The following KHDRBS2 variants were observed in gnomAD, a reference collection of about 807,000 sequenced individuals.
The protein encoded by KHDRBS2 is KH domain-containing, RNA-binding, signal transduction-associated protein 2.
In KHDRBS2, 26 loss-of-function variants were observed where a neutral mutation model predicts 44.3. The ratio of observed to expected loss-of-function variants is 0.59; its 90% confidence interval spans 0.43 to 0.81. KHDRBS2 has a LOEUF of 0.81. KHDRBS2 is among the 40% of genes least tolerant of loss of function. KHDRBS2 has a pLI of 0.00. For missense variants in KHDRBS2, 476 were observed against 433.1 expected (o/e 1.10, Z -0.88); for synonymous variants, 194 against 151.1 (o/e 1.28, Z -2.08).
chr6:62,174,044 G>A (rs1051569571), intron 2 of KHDRBS2, among the ~76,000 whole-genome samples: 2 of 151,770 alleles, frequency 1.3e-5, no homozygotes, highest in East Asian at 1.9e-4. Flanking sequence ...ACATAATACT[G>A]GAAACTCTGG....
At chr6:61,682,511 CTGAT>C (rs922794821) in intron 8 of KHDRBS2, among the ~76,000 whole-genome samples, 6 of 151,832 alleles carry the variant, frequency 4.0e-5, no homozygotes, top group Admixed American at 1.3e-4. Context: ...ATTTGGCCAG[CTGAT>C]TGTTTTATAA....
chr6:61,600,340 TG>T, the KHDRBS2 span, among the ~76,000 whole-genome samples: 1 of 152,066 alleles, frequency 6.6e-6, no homozygotes, highest in Admixed American at 6.5e-5. Flanking sequence ...GAAGTGAAAA[TG>T]GCCAGTCCCT....
rs548680726 is a variant in KHDRBS2, at chr6:61,879,153, A to T, written c.810+15482T>A. ...ATCAAATAGAAAGCAGTATATACCT[A>T]CTTAGTTCTTCAGGCTTCCTGAGTA... is the stretch of plus-strand genomic sequence containing the variant. On this transcript the variant is annotated intron_variant, in intron 6 of 8. Transcript: ENST00000281156. Among the ~76,000 whole-genome samples, 240 of 152,050 alleles carry T rather than the reference A, an allele frequency of 1.6e-3. 8 individuals are homozygous for T. In the South Asian group the frequency reaches 0.046, roughly 29 times the overall value.
In KHDRBS2 at chr6:61,961,705, A is replaced by G. The variant is rs564797099; in HGVS notation, c.483+16361T>C. On this transcript the variant is annotated intron_variant, in intron 4 of 8. Transcript: ENST00000281156. Reference sequence around the variant, plus strand: ...GCCTGACTTGCGCATGGGTACAGTGAAAAGGTTAGAGTGACCAGAGGGAAA... The same window carrying G: ...GCCTGACTTGCGCATGGGTACAGTGGAAAGGTTAGAGTGACCAGAGGGAAA... 1.8e-4 allele frequency among the ~76,000 whole-genome samples: 28 copies of G among 152,230 alleles called. No individual in the cohort carries two copies. In the South Asian group the frequency reaches 3.7e-3, roughly 20 times the overall value.
At chr6:62,010,381 C>T (rs1432235560) in intron 3 of KHDRBS2, among the ~76,000 whole-genome samples, 1 of 152,040 alleles carries the variant, frequency 6.6e-6, no homozygotes, top group African/African-American at 2.4e-5. Flanking sequence ...AAGGGACTTG[C>T]CTTGTCTTGG....
chr6:62,083,256 T>C (rs1584586230), intron 2 of KHDRBS2, among the ~76,000 whole-genome samples: 1 of 152,088 alleles, frequency 6.6e-6, no homozygotes, highest in South Asian at 2.1e-4. Flanking sequence ...TCCAGAGGGA[T>C]GGCTTCATGG....
chr6:61,748,651 G>C (rs1582583498), intron 6 of KHDRBS2, among the ~76,000 whole-genome samples: 1 of 152,142 alleles, frequency 6.6e-6, no homozygotes, highest in Non-Finnish European at 1.5e-5. Flanking sequence ...GCCATACAGA[G>C]ACCAAAATTT....
chr6:62,006,863 TAAATA>T (rs1173307350), intron 3 of KHDRBS2, among the ~76,000 whole-genome samples: 4 of 151,954 alleles, frequency 2.6e-5, no homozygotes, highest in African/African-American at 9.7e-5. Context: ...TCAATAAACA[TAAATA>T]AAATAAAGCC....
the KHDRBS2 span, among the ~76,000 whole-genome samples, chr6:61,610,000 C>T: frequency 6.6e-5 from 10 of 151,912 alleles, no homozygotes; most frequent in South Asian, 2.1e-4. Context: ...GGTGAAACCC[C>T]GTCTCTGCTA....
At chr6:61,969,817 A>G (rs1770942393) in intron 4 of KHDRBS2, among the ~76,000 whole-genome samples, 1 of 151,994 alleles carries the variant, frequency 6.6e-6, no homozygotes. Context: ...TTCAAATTTT[A>G]TTCTGACTTA....
intron 1 of KHDRBS2, among the ~76,000 whole-genome samples, chr6:62,285,374 A>G (rs1842343534): frequency 6.6e-6 from 1 of 152,244 alleles, no homozygotes; most frequent in Admixed American, 6.5e-5. Flanking sequence ...TTTAATGCAT[A>G]GGTTAATTCT....
intron 1 of KHDRBS2, among the ~76,000 whole-genome samples, chr6:62,282,652 C>T (rs1402315983): frequency 8.6e-5 from 13 of 151,892 alleles, no homozygotes; most frequent in Non-Finnish European, 1.6e-4. Context: ...TAAATCTGTC[C>T]CCAGTACCCA....
the KHDRBS2 span, among the ~76,000 whole-genome samples, chr6:61,620,674 G>C: frequency 1.3e-5 from 2 of 152,180 alleles, no homozygotes; most frequent in Non-Finnish European, 2.9e-5. Flanking sequence ...GTTGGGAAGA[G>C]CCTCCATCTG....
At chr6:61,726,605 G>T (rs1316703794) in intron 7 of KHDRBS2, among the ~76,000 whole-genome samples, 1 of 151,914 alleles carries the variant, frequency 6.6e-6, no homozygotes, top group African/African-American at 2.4e-5. Flanking sequence ...TGCAAAAATC[G>T]CTAGCATTCC....
intron 6 of KHDRBS2, among the ~76,000 whole-genome samples, chr6:61,771,115 A>C (rs1031536971): frequency 6.6e-6 from 1 of 152,162 alleles, no homozygotes; most frequent in African/African-American, 2.4e-5. Context: ...GAAATAAAAT[A>C]CTTTACAGAG....
At chr6:61,922,441 A>C (rs1257643666) in intron 4 of KHDRBS2, among the ~76,000 whole-genome samples, 2 of 152,078 alleles carry the variant, frequency 1.3e-5, no homozygotes, top group Non-Finnish European at 2.9e-5. Context: ...CAGAAAGAAC[A>C]ACAAAGAGCT....
chr6:61,746,989 G>T (rs1322951165), intron 6 of KHDRBS2, among the ~76,000 whole-genome samples: 2 of 150,086 alleles, frequency 1.3e-5, no homozygotes, highest in African/African-American at 2.5e-5. Flanking sequence ...TCTGACAAAG[G>T]TTTAATATCC....
At position 61,952,491 on chromosome 6, in the gene KHDRBS2, C is replaced by T. The variant is rs544887572; in HGVS notation, c.483+25575G>A. Among the ~76,000 whole-genome samples, 16 of 152,068 alleles carry T rather than the reference C, an allele frequency of 1.1e-4. No individual in the cohort carries two copies. The South Asian group carries it at 2.7e-3, about 26-fold the overall frequency. On this transcript the variant is annotated intron_variant, in intron 4 of 8. Coordinates refer to ENST00000281156, the MANE Select transcript of KHDRBS2 (RefSeq NM_152688.4). ...ACATAAATTCAAAACTAATAAGTACCATACAGATGTGTTTTTATTAGGTTA... is the reference window on the plus strand; with the variant it reads ...ACATAAATTCAAAACTAATAAGTACTATACAGATGTGTTTTTATTAGGTTA...
chr6:61,597,867 A>C, the KHDRBS2 span, among the ~76,000 whole-genome samples: 2 of 140,404 alleles, frequency 1.4e-5, no homozygotes, highest in African/African-American at 5.1e-5. Context: ...CAAACAAAGA[A>C]ACATGGGGAA....
Sources: allele counts gnomAD v4.1 joint callset (sites outside exome capture counted in the v4.1 genomes callset), GRCh38; gene constraint gnomAD v4.1.1; transcripts MANE v1.5; gene names NCBI Gene and HGNC (gene_info 2026-07-23, HGNC 2026-07-21).